The following CCR2 variants were observed in gnomAD, a reference collection of about 807,000 sequenced individuals.
The protein encoded by CCR2 is C-C motif chemokine receptor 2.
For synonymous variants in CCR2, 183 were observed against 177.1 expected (o/e 1.03, Z -0.27); for missense variants, 408 against 440.0 (o/e 0.93, Z 0.65).
chr3:46,360,711 AC>A lies in CCR2; in HGVS notation c.*2102del, dbSNP rs1405808596. On this transcript the variant is annotated 3_prime_UTR_variant, in exon 2 of 2. Transcript: ENST00000445132. ...GCTTCTAGAACCAGGCAACTTGGGAACTAGACTCCCAAGCTGGACTATGGCT... is the reference window on the plus strand; with the variant it reads ...GCTTCTAGAACCAGGCAACTTGGGAATAGACTCCCAAGCTGGACTATGGCT... 2.6e-5 allele frequency: 4 copies of A among 152,234 alleles called. No individual in the cohort carries two copies. The highest frequency in any genetic ancestry group is 9.6e-5 in the African/African-American group (4 of 41,460). 9.4% of individuals were successfully genotyped at this position (152,234 alleles called of 1,614,324 possible).
At position 46,358,175 on chromosome 3, in the gene CCR2, C is replaced by A; in HGVS notation, c.648C>A (p.Leu216=). 6.2e-7 allele frequency: 1 copy of A among 1,614,192 alleles called. No individual in the cohort carries two copies. Among genetic ancestry groups the A allele is most frequent in the Non-Finnish European group, 8.5e-7 (1 of 1,180,026 alleles). Reference sequence around the variant, plus strand: ...TTTTGGGGCTGGTCCTGCCGCTGCTCATCATGGTCATCTGCTACTCGGGAA... The same window carrying A: ...TTTTGGGGCTGGTCCTGCCGCTGCTAATCATGGTCATCTGCTACTCGGGAA... ...RNILGLVLPL[L]IMVICYSGIL... The change falls in exon 2 of 2, where the codon CTC becomes CTA. Residue 216 remains leucine (L), a synonymous_variant. Transcript: ENST00000445132.
At position 46,359,506 on chromosome 3, in the gene CCR2, G is replaced by C; in HGVS notation, c.*896G>C. The C allele has an allele frequency of 1.0e-6, 1 of 984,008 alleles. No individual in the cohort carries two copies. Among genetic ancestry groups the C allele is most frequent in the Non-Finnish European group, 1.4e-6 (1 of 697,810 alleles). The allele number at this position is 984,008 out of a possible 1,614,324, so 61.0% of individuals were successfully genotyped here. A position where few individuals can be genotyped will look rare whatever the true frequency, so the allele number is the denominator to read the frequency against. On this transcript the variant is annotated 3_prime_UTR_variant, in exon 2 of 2. Transcript: ENST00000445132. ...AGTTCCTTCACCAGGAGCAAAGGACGGGGATCGTGTGGAACCACTGCAGAA... is the reference window on the plus strand; with the variant it reads ...AGTTCCTTCACCAGGAGCAAAGGACCGGGATCGTGTGGAACCACTGCAGAA...
intron 1 of CCR2, among the ~76,000 whole-genome samples, chr3:46,356,635 AT>A (rs1701457221): frequency 6.6e-6 from 1 of 152,232 alleles, no homozygotes; most frequent in South Asian, 2.1e-4. Context: ...AATGCAGTTC[AT>A]AATGGCTTTA....
chr3:46,355,988 A>C (rs1335039315), intron 1 of CCR2, among the ~76,000 whole-genome samples: 1 of 152,242 alleles, frequency 6.6e-6, no homozygotes, highest in Non-Finnish European at 1.5e-5. Context: ...TAGGCAATGG[A>C]GGAATCCACA....
chr3:46,354,815 T>C (rs1003277914), intron 1 of CCR2: 1 of 152,234 alleles, frequency 6.6e-6, no homozygotes, highest in Non-Finnish European at 1.5e-5. Context: ...TTGTGATTCT[T>C]TAGGCAGATG....
chr3:46,358,517 A>G lies in CCR2; in HGVS notation c.990A>G (p.Lys330=). The part of the protein sequence containing the change: ...FRKHITKRFC[K]QCPVFYRETV... ...AGCACATCACCAAGCGCTTCTGCAA[A>G]CAATGTCCAGTTTTCTACAGGGAGA... is the stretch of plus-strand genomic sequence containing the variant. The change falls in exon 2 of 2, where the codon AAA becomes AAG. Residue 330 remains lysine, a synonymous_variant. Coordinates refer to ENST00000445132, the MANE Select transcript of CCR2 (RefSeq NM_001123396.4). 6.2e-7 allele frequency: 1 copy of G among 1,613,434 alleles called. No individual in the cohort carries two copies.
At position 46,358,844 on chromosome 3, in the gene CCR2, C is replaced by G. The variant is rs1029563748; in HGVS notation, c.*234C>G. 4.6e-5 allele frequency: 60 copies of G among 1,290,524 alleles called. No homozygotes were observed. The highest frequency in any genetic ancestry group is 5.7e-5 in the Non-Finnish European group (58 of 1,009,296). The allele number at this position is 1,290,524 out of a possible 1,614,324, so 79.9% of individuals were successfully genotyped here. On this transcript the variant is annotated 3_prime_UTR_variant, in exon 2 of 2. Coordinates refer to ENST00000445132, the MANE Select transcript of CCR2 (RefSeq NM_001123396.4). ...ACTCTCCAGAAAGCTCATCTCAGCT[C>G]CTGAAAAATGCCTCATTACCTTGTG...
rs979324442 is a variant in CCR2 at position 46,360,160 on chromosome 3, A to G, written c.*1550A>G. ...ATCATGTCAAACGTGAAAATGCTGT[A>G]TTAGTCACAGAGATAATTCTAGCTT... On this transcript the variant is annotated 3_prime_UTR_variant, in exon 2 of 2. Transcript: ENST00000445132. 15 of 321,442 alleles carry G rather than the reference A, an allele frequency of 4.7e-5. No homozygotes were observed. The highest frequency in any genetic ancestry group is 8.0e-5 in the Non-Finnish European group (14 of 174,392). 19.9% of individuals were successfully genotyped at this position (321,442 alleles called of 1,614,324 possible).
intron 1 of CCR2, chr3:46,354,852 T>C (rs1359701565): frequency 6.6e-6 from 1 of 152,118 alleles, no homozygotes; most frequent in East Asian, 1.9e-4. Flanking sequence ...TGATCAGAGG[T>C]CTTATTTAGC....
chr3:46,356,852 A>T (rs1701461193), intron 1 of CCR2, among the ~76,000 whole-genome samples: 1 of 150,022 alleles, frequency 6.7e-6, no homozygotes, highest in Non-Finnish European at 1.5e-5. Flanking sequence ...CAGGAGGTGG[A>T]GGTTGCAGTG....
At position 46,358,474 on chromosome 3, in the gene CCR2, T is replaced by A; in HGVS notation, c.947T>A (p.Leu316His). Residue 316 changes from leucine (L) to histidine (H), a missense_variant, in exon 2 of 2, where the codon CTC becomes CAC. Transcript: ENST00000445132. ...GTTGGGGAGAAGTTCAGAAGGTATC[T>A]CTCGGTGTTCTTCCGAAAGCACATC... Reference protein sequence around the residue: ...AFVGEKFRRYLSVFFRKHITK... With the variant: ...AFVGEKFRRYHSVFFRKHITK... The A allele has an allele frequency of 1.2e-6, 2 of 1,613,618 alleles. No homozygotes were observed. Among genetic ancestry groups the A allele is most frequent in the Non-Finnish European group, 1.7e-6 (2 of 1,179,984 alleles).
At chr3:46,356,632 T>G (rs766571288) in intron 1 of CCR2, among the ~76,000 whole-genome samples, 1 of 152,066 alleles carries the variant, frequency 6.6e-6, no homozygotes, top group Non-Finnish European at 1.5e-5. Flanking sequence ...GAAAATGCAG[T>G]TCATAATGGC....
Position 46,357,991 on chromosome 3 carries a change from C to T in CCR2, c.464C>T (p.Thr155Ile), listed in dbSNP as rs567951143. The T allele has an allele frequency of 3.1e-6, 5 of 1,614,162 alleles. No individual in the cohort carries two copies. In the South Asian group the frequency reaches 3.3e-5, roughly 11 times the overall value. The change falls in exon 2 of 2, where the codon ACC (threonine) becomes ATC (isoleucine). Residue 155 changes from threonine (T) to isoleucine (I), a missense_variant. Coordinates refer to ENST00000445132, the MANE Select transcript of CCR2 (RefSeq NM_001123396.4). The part of the protein sequence containing the change: ...AVFALKARTV[T>I]FGVVTSVITW... Reference sequence around the variant, plus strand: ...TTTGCTTTAAAAGCCAGGACGGTCACCTTTGGGGTGGTGACAAGTGTGATC... The same window carrying T: ...TTTGCTTTAAAAGCCAGGACGGTCATCTTTGGGGTGGTGACAAGTGTGATC...
Position 46,359,773 on chromosome 3 carries a change from T to TAC in CCR2, c.*1167_*1168dup, listed in dbSNP as rs1212477064. The TAC allele has an allele frequency of 3.7e-6, 6 of 1,614,124 alleles. No homozygotes were observed. The highest frequency in any genetic ancestry group is 4.2e-6 in the Non-Finnish European group (5 of 1,179,994). Reference sequence around the variant, plus strand: ...GACCAGGAAAGAATGTGAAAGTGACTACACAAGGACTCCTCGATGGTCGTG... The same window carrying TAC: ...GACCAGGAAAGAATGTGAAAGTGACTACACACAAGGACTCCTCGATGGTCGTG... On this transcript the variant is annotated 3_prime_UTR_variant, in exon 2 of 2. Transcript: ENST00000445132.
At chr3:46,357,042 T>G (rs1701466444) in intron 1 of CCR2, among the ~76,000 whole-genome samples, 1 of 152,098 alleles carries the variant, frequency 6.6e-6, no homozygotes, top group Non-Finnish European at 1.5e-5. Flanking sequence ...CACCATGCCC[T>G]CACTAGGCAT....
rs1701531341 is a variant in CCR2, at chr3:46,360,408, T to A, written c.*1798T>A. 6.5e-6 allele frequency: 1 copy of A among 153,294 alleles called. No individual in the cohort carries two copies. Among genetic ancestry groups the A allele is most frequent in the Non-Finnish European group, 1.5e-5 (1 of 68,876 alleles). The allele number at this position is 153,294 out of a possible 1,614,324, so 9.5% of individuals were successfully genotyped here. On this transcript the variant is annotated 3_prime_UTR_variant, in exon 2 of 2. Coordinates refer to ENST00000445132, the MANE Select transcript of CCR2 (RefSeq NM_001123396.4). ...GGCTTGCTGCCAAAAGCCTTTTGTG[T>A]TTTGTTTTGTATCATTATGAAGTCA...
rs956558557 is a variant in CCR2 at position 46,360,491 on chromosome 3, T to G, written c.*1881T>G. 10 of 152,298 alleles carry G rather than the reference T, an allele frequency of 6.6e-5. No homozygotes were observed. The highest frequency in any genetic ancestry group is 2.4e-4 in the African/African-American group (10 of 41,472). 9.4% of individuals were successfully genotyped at this position (152,298 alleles called of 1,614,324 possible). A position where few individuals can be genotyped will look rare whatever the true frequency, so the allele number is the denominator to read the frequency against. On this transcript the variant is annotated 3_prime_UTR_variant, in exon 2 of 2. Transcript: ENST00000445132. ...TCGCAGATGTCCTTGATGCTCATAT[T>G]GTTCCCTATTTTGCCAGTGGGAACT...
chr3:46,355,833 C>A (rs569128617), intron 1 of CCR2, among the ~76,000 whole-genome samples: 1 of 152,310 alleles, frequency 6.6e-6, no homozygotes, highest in South Asian at 2.1e-4. Flanking sequence ...ATATTTTATG[C>A]ATAAAGAAAT....
At position 46,360,147 on chromosome 3, in the gene CCR2, G is replaced by A. The variant is rs761598058; in HGVS notation, c.*1537G>A. On this transcript the variant is annotated 3_prime_UTR_variant, in exon 2 of 2. Transcript: ENST00000445132. ...AGTTTGAGTTACTATCATGTCAAAC[G>A]TGAAAATGCTGTATTAGTCACAGAG... 4.3e-5 allele frequency: 15 copies of A among 349,230 alleles called. No homozygotes were observed. The South Asian group carries it at 4.3e-4, about 10-fold the overall frequency. The allele number at this position is 349,230 out of a possible 1,614,324, so 21.6% of individuals were successfully genotyped here. A position where few individuals can be genotyped will look rare whatever the true frequency, so the allele number is the denominator to read the frequency against.
Sources: allele counts gnomAD v4.1 joint callset (sites outside exome capture counted in the v4.1 genomes callset), GRCh38; gene constraint gnomAD v4.1.1; transcripts MANE v1.5; gene names NCBI Gene and HGNC (gene_info 2026-07-23, HGNC 2026-07-21).